CCDC158: variants seen among roughly 807,000 people sequenced by gnomAD.
CCDC158 encodes coiled-coil domain containing 158, also known as coiled-coil domain-containing protein 158.
CCDC158 carries 116 observed loss-of-function variants against 138.6 expected under a neutral mutation model. The observed-to-expected ratio is 0.84, with a 90% CI of 0.72 to 0.98. The LOEUF is 0.98. Ranked by LOEUF, CCDC158 falls within the 50% of genes least tolerant of loss-of-function variation. The probability of loss-of-function intolerance (pLI) is 0.00; values close to 1 mark genes in which losing one functional copy is unlikely to be tolerated. For synonymous variants in CCDC158, 436 were observed against 442.4 expected, an observed-to-expected ratio of 0.99 and a Z score of 0.18; for missense variants, 1,265 against 1,306.1, an observed-to-expected ratio of 0.97 and a Z score of 0.48.
chr4:76,318,863 C>T (rs1453348643), intron 24 of CCDC158, among the ~76,000 whole-genome samples: 1 of 152,218 alleles, frequency 6.6e-6, no homozygotes, highest in Non-Finnish European at 1.5e-5. Context: ...GGTGCAGTGG[C>T]TCACACCTGC....
rs1292830905 is a variant in CCDC158 at position 76,328,907 on chromosome 4, T to C, written c.3003A>G (p.Thr1001=). Residue 1001 remains threonine, a synonymous_variant, in exon 22 of 25, where the codon ACA becomes ACG. Coordinates refer to ENST00000682701, the MANE Select transcript of CCDC158 (RefSeq NM_001394954.1). ...REDPSGCFTF[T]SAASPSVKNS... ...CTTTCATTGGAAACTCACCTGCAGA[T>C]GTGAATGTGAAGCAACCAGAGGGAT... 1 of 1,613,384 alleles carries C rather than the reference T, an allele frequency of 6.2e-7. No homozygotes were observed. The highest frequency in any genetic ancestry group is 1.3e-5 in the African/African-American group (1 of 74,934).
At chr4:76,387,228 A>G (rs1726883444) in intron 4 of CCDC158, among the ~76,000 whole-genome samples, 1 of 152,120 alleles carries the variant, frequency 6.6e-6, no homozygotes, top group Non-Finnish European at 1.5e-5. Flanking sequence ...CATGTTAGGT[A>G]CCAGTTCAGC....
At chr4:76,321,625 C>G (rs926758387) in intron 24 of CCDC158, among the ~76,000 whole-genome samples, 1 of 146,234 alleles carries the variant, frequency 6.8e-6, no homozygotes, top group Non-Finnish European at 1.5e-5. Flanking sequence ...TATGCACACA[C>G]CTCAGCCACC....
intron 3 of CCDC158, chr4:76,401,184 T>G: frequency 3.2e-6 from 1 of 313,296 alleles, no homozygotes; most frequent in Non-Finnish European, 6.3e-6. Context: ...AATAAAGGAG[T>G]GAGATGGTTG....
At chr4:76,359,483 C>T (rs1181332100) in intron 13 of CCDC158, among the ~76,000 whole-genome samples, 1 of 152,118 alleles carries the variant, frequency 6.6e-6, no homozygotes, top group African/African-American at 2.4e-5. Context: ...AGAATGCTGA[C>T]AGTGATATGA....
rs1261647491 is a variant in CCDC158, at chr4:76,369,547, C to T, written c.1226G>A (p.Gly409Asp). 1.2e-6 allele frequency: 2 copies of T among 1,614,156 alleles called. No homozygotes were observed. The highest frequency in any genetic ancestry group is 8.5e-7 in the Non-Finnish European group (1 of 1,180,020). Reference sequence around the variant, plus strand: ...CAGGTGGTCAATGGTGATGCTGTTGCCTGTGTCTCGGTCCCACAGACGCTT... The same window carrying T: ...CAGGTGGTCAATGGTGATGCTGTTGTCTGTGTCTCGGTCCCACAGACGCTT... ...QNKRLWDRDT[G>D]NSITIDHLRR... The change falls in exon 11 of 25, where the codon GGC becomes GAC. Residue 409 changes from glycine (G) to aspartate (D), a missense_variant. Transcript: ENST00000682701.
intron 4 of CCDC158, among the ~76,000 whole-genome samples, chr4:76,393,559 G>A (rs1007134007): frequency 9.2e-5 from 14 of 151,984 alleles, no homozygotes; most frequent in Non-Finnish European, 1.9e-4. Context: ...CAACTTCTCA[G>A]GCACTGATCT....
chr4:76,329,028 T>C (rs1720781760), intron 21 of CCDC158, 61 bp from the exon 22 acceptor site: 4 of 1,348,752 alleles, frequency 3.0e-6, no homozygotes, highest in Admixed American at 3.4e-5. Context: ...CTAAGATTCA[T>C]AGATAGAAGC....
intron 9 of CCDC158, chr4:76,375,839 A>G (rs185007428): frequency 4.2e-6 from 2 of 473,970 alleles, no homozygotes; most frequent in Non-Finnish European, 7.4e-6. Context: ...TAATCTGAAG[A>G]GAAATATTAA....
chr4:76,418,323 A>G (rs917756885), intron 1 of CCDC158, among the ~76,000 whole-genome samples: 3 of 152,170 alleles, frequency 2.0e-5, no homozygotes, highest in African/African-American at 7.2e-5. Flanking sequence ...GATGATGAAA[A>G]TGTTCTAAAA....
chr4:76,324,263 T>C (rs532043678), intron 23 of CCDC158, among the ~76,000 whole-genome samples: 1 of 151,462 alleles, frequency 6.6e-6, no homozygotes, highest in East Asian at 2.0e-4. Flanking sequence ...TCTCAGCTCA[T>C]TGCAACCTCT....
chr4:76,315,142 G>T (rs1356254517), intron 24 of CCDC158, among the ~76,000 whole-genome samples: 1 of 152,152 alleles, frequency 6.6e-6, no homozygotes, highest in African/African-American at 2.4e-5. Flanking sequence ...GCTAGGTAAG[G>T]CCTATCACAC....
intron 18 of CCDC158, among the ~76,000 whole-genome samples, chr4:76,336,181 C>CA (rs34498886): frequency 0.19 from 10,549 of 56,020 alleles, 3,371 homozygotes; most frequent in East Asian, 0.73. Flanking sequence ...GACTCTGTCT[C>CA]AAAAAAAAAA....
chr4:76,373,609 C>CTATA (rs1402626331), intron 9 of CCDC158, among the ~76,000 whole-genome samples: 1 of 152,030 alleles, frequency 6.6e-6, no homozygotes, highest in Non-Finnish European at 1.5e-5. Context: ...ATTATATTAT[C>CTATA]TATACATACA....
intron 18 of CCDC158, among the ~76,000 whole-genome samples, chr4:76,337,556 C>A (rs1187872565): frequency 6.6e-6 from 1 of 151,950 alleles, no homozygotes; most frequent in Admixed American, 6.6e-5. Context: ...CATGGTGAAA[C>A]CCCGTCTTTA....
intron 1 of CCDC158, among the ~76,000 whole-genome samples, chr4:76,418,623 A>G (rs1033386150): frequency 2.0e-5 from 3 of 152,176 alleles, no homozygotes; most frequent in Non-Finnish European, 2.9e-5. Flanking sequence ...GGCGGCAGGC[A>G]AGAGAGAGCT....
At chr4:76,340,257 G>A (rs1721925614) in intron 18 of CCDC158, among the ~76,000 whole-genome samples, 1 of 152,224 alleles carries the variant, frequency 6.6e-6, no homozygotes, top group Non-Finnish European at 1.5e-5. Context: ...GGCTGTGCCA[G>A]GGCCTCCTTT....
chr4:76,340,970 T>C (rs902872330), intron 18 of CCDC158, among the ~76,000 whole-genome samples: 28 of 152,148 alleles, frequency 1.8e-4, no homozygotes, highest in African/African-American at 6.8e-4. Flanking sequence ...GTAAAACTTG[T>C]ACAGCTTTTT....
chr4:76,348,982 G>GAT (rs1466145174), intron 18 of CCDC158, among the ~76,000 whole-genome samples: 3 of 152,118 alleles, frequency 2.0e-5, no homozygotes, highest in Non-Finnish European at 4.4e-5. Context: ...AAGAAAGATA[G>GAT]ATATAAAGAC....
Sources: gnomAD v4.1 joint callset for allele counts (sites outside exome capture counted in the v4.1 genomes callset) on GRCh38, gnomAD v4.1.1 for gene constraint, MANE v1.5 for transcripts, NCBI Gene and HGNC (gene_info 2026-07-23, HGNC 2026-07-21) for gene names.